Variants in LTF observed in about 807,000 individuals in gnomAD.
LTF encodes the protein lactotransferrin.
In LTF, 91 loss-of-function variants were observed where a neutral mutation model predicts 87.2. That is an observed-to-expected ratio of 1.04 (90% CI 0.88 to 1.24). The LOEUF is 1.24. LTF is among the 50% of genes most tolerant of loss of function. The pLI is 0.00. For missense variants in LTF, 901 were observed against 904.3 expected, an observed-to-expected ratio of 1.00 and a Z score of 0.05; for synonymous variants, 378 against 356.1, an observed-to-expected ratio of 1.06 and a Z score of -0.69.
At chr3:46,452,436 A>G (rs1702825786) in intron 6 of LTF, among the ~76,000 whole-genome samples, 1 of 152,262 alleles carries the variant, frequency 6.6e-6, no homozygotes, top group African/African-American at 2.4e-5. Flanking sequence ...CTGATTTTTC[A>G]TGGAACAATT....
intron 1 of LTF, among the ~76,000 whole-genome samples, chr3:46,464,445 G>A (rs1411989023): frequency 1.3e-5 from 2 of 152,200 alleles, no homozygotes; most frequent in Non-Finnish European, 2.9e-5. Context: ...CAGGAGCTAG[G>A]ATCTGGACTA....
At position 46,447,309 on chromosome 3, in the gene LTF, G is replaced by A. The variant is rs1378986676; in HGVS notation, c.1302C>T (p.Tyr434=). The A allele has an allele frequency of 5.0e-6, 8 of 1,613,268 alleles. No individual in the cohort carries two copies. The highest frequency in any genetic ancestry group is 1.3e-5 in the African/African-American group (1 of 75,040). ...CCAGAGGATGCTAACTCCACTTACTGTAGTTCTCTGCCAGGACAGGCACCA... is the reference window on the plus strand; with the variant it reads ...CCAGAGGATGCTAACTCCACTTACTATAGTTCTCTGCCAGGACAGGCACCA... ...CGLVPVLAEN[Y]KSQQSSDPDP... is the part of the protein sequence containing the mutation. Residue 434 remains tyrosine (Y), a splice_region_variant and synonymous_variant, in exon 10 of 17, where the codon TAC becomes TAT. Coordinates refer to ENST00000231751, the MANE Select transcript of LTF (RefSeq NM_002343.6).
intron 1 of LTF, chr3:46,463,359 C>T (rs1386147436): frequency 1.6e-6 from 1 of 639,936 alleles, no homozygotes; most frequent in Non-Finnish European, 1.9e-6. Context: ...CTCATGAGTG[C>T]CTCCCAGCCC....
chr3:46,477,211 T>C (rs996730559), intron 1 of LTF, among the ~76,000 whole-genome samples: 3 of 152,272 alleles, frequency 2.0e-5, no homozygotes, highest in African/African-American at 4.8e-5. Flanking sequence ...GGAATGTCTT[T>C]TGTCCATTGT....
chr3:46,477,514 T>G (rs1421634025), intron 1 of LTF, among the ~76,000 whole-genome samples: 1 of 152,188 alleles, frequency 6.6e-6, no homozygotes, highest in Non-Finnish European at 1.5e-5. Context: ...GCTCTACCTC[T>G]TCCCCACTCC....
intron 1 of LTF, among the ~76,000 whole-genome samples, chr3:46,483,528 C>T (rs920256207): frequency 6.6e-6 from 1 of 152,184 alleles, no homozygotes; most frequent in Admixed American, 6.5e-5. Context: ...AAAAGAGCAC[C>T]TACCACCTGC....
chr3:46,456,647 C>G (rs561393782), intron 2 of LTF, among the ~76,000 whole-genome samples: 1 of 152,220 alleles, frequency 6.6e-6, no homozygotes, highest in African/African-American at 2.4e-5. Context: ...CTGTGTCACT[C>G]TCCCGATCAC....
rs34825595 is a variant in LTF, at chr3:46,472,488, T to TTGTGTGTGTGTGTG, written c.-319-2036_-319-2023dup. Among the ~76,000 whole-genome samples, 366 of 106,878 alleles carry TTGTGTGTGTGTGTG rather than the reference T, an allele frequency of 3.4e-3. 6 individuals are homozygous for TTGTGTGTGTGTGTG. The highest frequency in any genetic ancestry group is 0.017 in the East Asian group (62 of 3,586). 70.1% of individuals were successfully genotyped at this position (106,878 alleles called of 152,430 possible). ...AGAAAATCAATTTTGGAAAAGATTATTGTGTGTGTGTGTGTGTGTGTGTGT... is the reference window on the plus strand; with the variant it reads ...AGAAAATCAATTTTGGAAAAGATTATTGTGTGTGTGTGTGTGTGTGTGTGTGTGTGTGTGTGTGT... On this transcript the variant is annotated intron_variant, in intron 1 of 19. Coordinates refer to the LTF transcript ENST00000443496.
intron 2 of LTF, 142 bp from the exon 3 acceptor site, chr3:46,456,540 G>A: frequency 1.6e-6 from 1 of 617,758 alleles, no homozygotes; most frequent in Non-Finnish European, 2.8e-6. Context: ...CACTTCCTAT[G>A]AGAGATGGTG....
upstream of LTF, among the ~76,000 whole-genome samples, chr3:46,466,155 A>G (rs1703208838): frequency 6.6e-6 from 1 of 152,104 alleles, no homozygotes; most frequent in African/African-American, 2.4e-5. Context: ...TGGGAGGACC[A>G]TTTGAGCCTG....
At chr3:46,454,241 G>A in intron 6 of LTF, 64 bp downstream of exon 6, 1 of 1,426,848 alleles carries the variant, frequency 7.0e-7, no homozygotes, top group Admixed American at 1.7e-5. Flanking sequence ...TAGCTCAAAG[G>A]TCAGAGTCAT....
upstream of LTF, among the ~76,000 whole-genome samples, chr3:46,467,992 A>C (rs561532819): frequency 5.1e-4 from 77 of 152,234 alleles, no homozygotes; most frequent in African/African-American, 1.8e-3. Context: ...ACCTTTTCTC[A>C]TATTTCCTAC....
At chr3:46,468,158 T>C (rs933107385), upstream of LTF, 4 of 455,872 alleles carry the variant, frequency 8.8e-6, no homozygotes, top group Non-Finnish European at 1.8e-5. Context: ...CAAAGGATCC[T>C]GTTTGTAATG....
intron 1 of LTF, among the ~76,000 whole-genome samples, chr3:46,477,509 A>G (rs1575328964): frequency 6.6e-6 from 1 of 152,250 alleles, no homozygotes; most frequent in Non-Finnish European, 1.5e-5. Flanking sequence ...AACCAGCTCT[A>G]CCTCTTCCCC....
At chr3:46,454,181 T>C (rs1702867584) in intron 6 of LTF, 124 bp downstream of exon 6, 10 of 836,218 alleles carry the variant, frequency 1.2e-5, no homozygotes, top group Non-Finnish European at 2.1e-5. Context: ...ATCAGAGCTG[T>C]GCCCTGTAGG....
intron 15 of LTF, 72 bp from the exon 16 acceptor site, chr3:46,438,201 A>G: frequency 1.6e-6 from 2 of 1,269,360 alleles, no homozygotes; most frequent in Non-Finnish European, 2.3e-6. Context: ...GCAAAGGGGT[A>G]TTTCTTCCAC....
intron 1 of LTF, among the ~76,000 whole-genome samples, chr3:46,463,101 G>A (rs141041958): frequency 3.8e-4 from 58 of 152,232 alleles, no homozygotes; most frequent in African/African-American, 1.4e-3. Context: ...CAGCTCTGGA[G>A]CTATGTGACC....
chr3:46,448,772 C>T lies in LTF; in HGVS notation c.1212+91G>A, dbSNP rs187838414. ...CCTGCCTCACCCAGGCCCCCGTGGCCTCTTTGACTGTTGACTTCACTTTAA... is the reference window on the plus strand; with the variant it reads ...CCTGCCTCACCCAGGCCCCCGTGGCTTCTTTGACTGTTGACTTCACTTTAA... On this transcript the variant is annotated intron_variant, in intron 9 of 16. Coordinates refer to ENST00000231751, the MANE Select transcript of LTF (RefSeq NM_002343.6). The T allele has an allele frequency of 1.9e-5, 29 of 1,506,696 alleles. No homozygotes were observed. The East Asian group carries it at 6.4e-4, about 33-fold the overall frequency. The allele number at this position is 1,506,696 out of a possible 1,614,324, so 93.3% of individuals were successfully genotyped here. A position where few individuals can be genotyped will look rare whatever the true frequency, so the allele number is the denominator to read the frequency against.
chr3:46,444,908 A>G (rs897276554), intron 12 of LTF, among the ~76,000 whole-genome samples: 6 of 152,212 alleles, frequency 3.9e-5, no homozygotes, highest in Admixed American at 1.3e-4. Context: ...ACCTTTCATG[A>G]GGCAGGCAGA....
Sources: gnomAD v4.1 joint callset for allele counts (sites outside exome capture counted in the v4.1 genomes callset) on GRCh38, gnomAD v4.1.1 for gene constraint, MANE v1.5 for transcripts, NCBI Gene and HGNC (gene_info 2026-07-23, HGNC 2026-07-21) for gene names.